The following NXPH2 variants were observed in gnomAD, a reference collection of about 807,000 sequenced individuals.
NXPH2 encodes neurexophilin-2.
In NXPH2, 5 loss-of-function variants were observed where a neutral mutation model predicts 19.8. The observed-to-expected ratio is 0.25, with a 90% CI of 0.13 to 0.53. The LOEUF is 0.53. NXPH2 is among the 20% of genes least tolerant of loss of function. NXPH2 has a pLI of 0.96. For synonymous variants in NXPH2, 154 were observed against 127.4 expected, an observed-to-expected ratio of 1.21 and a Z score of -1.41; for missense variants, 289 against 322.8, an observed-to-expected ratio of 0.90 and a Z score of 0.80.
chr2:138,689,886 C>A (rs1680722339), intron 1 of NXPH2, among the ~76,000 whole-genome samples: 1 of 152,122 alleles, frequency 6.6e-6, no homozygotes, highest in South Asian at 2.1e-4. Context: ...ATCACACTGG[C>A]AACATCTCTT....
chr2:138,707,756 G>C (rs1480201626), intron 1 of NXPH2, among the ~76,000 whole-genome samples: 1 of 151,858 alleles, frequency 6.6e-6, no homozygotes, highest in Non-Finnish European at 1.5e-5. Context: ...TGTTCTTTTT[G>C]TATCCAAGTG....
chr2:138,779,077 C>T (rs1682309788), intron 1 of NXPH2, among the ~76,000 whole-genome samples: 1 of 152,114 alleles, frequency 6.6e-6, no homozygotes, highest in Non-Finnish European at 1.5e-5. Flanking sequence ...CTTGATTTTC[C>T]CCCTAATAGG....
intron 1 of NXPH2, among the ~76,000 whole-genome samples, chr2:138,688,427 C>T (rs930002788): frequency 5.9e-5 from 9 of 152,170 alleles, no homozygotes; most frequent in Admixed American, 3.9e-4. Context: ...AGCAATCCAC[C>T]TGCCTCAACC....
chr2:138,729,592 T>C (rs1377845131), intron 1 of NXPH2, among the ~76,000 whole-genome samples: 1 of 152,234 alleles, frequency 6.6e-6, no homozygotes, highest in East Asian at 1.9e-4. Flanking sequence ...CTGCTGCATT[T>C]AGAACACAAT....
rs568894870 is a variant in NXPH2 at position 138,719,795 on chromosome 2, T to G, written c.52-48130A>C. 3.4e-4 allele frequency among the ~76,000 whole-genome samples: 52 copies of G among 152,366 alleles called. 1 individual carries two copies. The South Asian group carries it at 0.01, about 30-fold the overall frequency. ...ATAGCCAAATAATGCCAGTATTATT[T>G]ATTAAACTATTTCCCATGGAATGGA... is the stretch of plus-strand genomic sequence containing the variant. On this transcript the variant is annotated intron_variant, in intron 1 of 1. Coordinates refer to ENST00000272641, the MANE Select transcript of NXPH2 (RefSeq NM_007226.3).
At chr2:138,738,428 C>T (rs7604076) in intron 1 of NXPH2, among the ~76,000 whole-genome samples, 32,438 of 151,978 alleles carry the variant, frequency 0.21, 4,037 homozygotes, top group East Asian at 0.53. Flanking sequence ...TTTCATCTCC[C>T]CTTATTGTGT....
rs139762229 is a variant in NXPH2 at position 138,732,682 on chromosome 2, T to C, written c.51+47509A>G. On this transcript the variant is annotated intron_variant, in intron 1 of 1. Transcript: ENST00000272641. The stretch of plus-strand genomic sequence containing the variant: ...TTCTTCTCCTTCTTTGTCTAGGGTC[T>C]TTTAAATGTTCCTCCTGCCAATATT... Among the ~76,000 whole-genome samples the C allele has an allele frequency of 1.3e-3, 205 of 152,284 alleles. 1 individual carries two copies. Among genetic ancestry groups the C allele is most frequent in the African/African-American group, 4.7e-3 (194 of 41,554 alleles).
intron 1 of NXPH2, among the ~76,000 whole-genome samples, chr2:138,692,203 T>G (rs1680756923): frequency 6.6e-6 from 1 of 152,176 alleles, no homozygotes; most frequent in Non-Finnish European, 1.5e-5. Flanking sequence ...CCTCCACGAT[T>G]TCATGGTTCC....
intron 1 of NXPH2, among the ~76,000 whole-genome samples, chr2:138,702,271 C>G (rs56061033): frequency 0.25 from 37,399 of 151,874 alleles, 5,257 homozygotes; most frequent in East Asian, 0.54. Flanking sequence ...CACACAGCAC[C>G]ATCCCTAGCT....
intron 1 of NXPH2, among the ~76,000 whole-genome samples, chr2:138,695,971 A>C (rs1239490043): frequency 3.3e-5 from 5 of 152,156 alleles, no homozygotes; most frequent in Non-Finnish European, 1.5e-5. Flanking sequence ...CTATGATTGC[A>C]CCATTGCACT....
At chr2:138,688,825 C>T (rs182077960) in intron 1 of NXPH2, among the ~76,000 whole-genome samples, 6 of 152,198 alleles carry the variant, frequency 3.9e-5, no homozygotes, top group African/African-American at 7.2e-5. Context: ...TGGTCACCAC[C>T]GCCCCCCCAA....
intron 1 of NXPH2, among the ~76,000 whole-genome samples, chr2:138,720,319 C>T (rs1055386193): frequency 1.3e-5 from 2 of 152,170 alleles, no homozygotes; most frequent in Admixed American, 6.5e-5. Flanking sequence ...TGCTTGTAAA[C>T]TTTCTCACAG....
chr2:138,722,827 C>G (rs1681301623), intron 1 of NXPH2, among the ~76,000 whole-genome samples: 1 of 152,154 alleles, frequency 6.6e-6, no homozygotes. Flanking sequence ...AAAGTGCCTA[C>G]AATTACTCAA....
intron 1 of NXPH2, among the ~76,000 whole-genome samples, chr2:138,777,771 T>C (rs1362362376): frequency 3.6e-5 from 4 of 112,186 alleles, no homozygotes; most frequent in African/African-American, 1.1e-4. Flanking sequence ...GCAGTGCAGA[T>C]AGAAAAGTAA....
intron 1 of NXPH2, among the ~76,000 whole-genome samples, chr2:138,713,348 T>G (rs553177620): frequency 2.0e-5 from 3 of 152,270 alleles, no homozygotes; most frequent in African/African-American, 7.2e-5. Context: ...CTTTGTACGT[T>G]GGGAGTGACA....
chr2:138,704,311 CA>C (rs1432755511), intron 1 of NXPH2, among the ~76,000 whole-genome samples: 1 of 152,086 alleles, frequency 6.6e-6, no homozygotes, highest in East Asian at 1.9e-4. Flanking sequence ...CTCTGTAAGC[CA>C]GGGGCTGGTC....
chr2:138,744,557 C>T (rs1681695480), intron 1 of NXPH2, among the ~76,000 whole-genome samples: 1 of 152,150 alleles, frequency 6.6e-6, no homozygotes, highest in African/African-American at 2.4e-5. Context: ...TATCTGATCC[C>T]AGCCTCCCTA....
In NXPH2 at chr2:138,780,247, C is replaced by A. The variant is rs767997762; in HGVS notation, c.-6G>T. On this transcript the variant is annotated 5_prime_UTR_variant, in exon 1 of 2. Transcript: ENST00000272641. ...GGCAGCGGCCGCAGGCGCATGGTGC[C>A]GGCTGGCGCGGCTTTTCACGAGCTG... 43 of 1,428,734 alleles carry A rather than the reference C, an allele frequency of 3.0e-5. No homozygotes were observed. Among genetic ancestry groups the A allele is most frequent in the Non-Finnish European group, 3.4e-5 (38 of 1,102,036 alleles). 88.5% of individuals were successfully genotyped at this position (1,428,734 alleles called of 1,614,324 possible).
At chr2:138,758,866 G>A (rs1465901075) in intron 1 of NXPH2, among the ~76,000 whole-genome samples, 1 of 152,098 alleles carries the variant, frequency 6.6e-6, no homozygotes, top group Non-Finnish European at 1.5e-5. Flanking sequence ...AGAGACAGCT[G>A]GTTGAATCTC....
Sources: gnomAD v4.1 joint callset for allele counts (sites outside exome capture counted in the v4.1 genomes callset) on GRCh38, gnomAD v4.1.1 for gene constraint, MANE v1.5 for transcripts, NCBI Gene and HGNC (gene_info 2026-07-23, HGNC 2026-07-21) for gene names.